PNPLA6: variants seen among roughly 807,000 people sequenced by gnomAD.
The protein encoded by PNPLA6 is patatin-like phospholipase domain-containing protein 6.
Under a neutral mutation model 153.7 loss-of-function variants are expected in PNPLA6, and 105 were observed. That is an observed-to-expected ratio of 0.68 (90% CI 0.58 to 0.80). The LOEUF is 0.80. Among genes scored for constraint, PNPLA6 ranks in the 30% least tolerant of loss-of-function variants. PNPLA6 has a pLI of 0.00. For missense variants in PNPLA6, 1,423 were observed against 1,919.3 expected, an observed-to-expected ratio of 0.74 and a Z score of 4.83; for synonymous variants, 825 against 822.2, an observed-to-expected ratio of 1.00 and a Z score of -0.06.
Position 7,541,974 on chromosome 19 carries a change from T to A in PNPLA6, c.1169-10T>A. The A allele has an allele frequency of 6.2e-7, 1 of 1,605,950 alleles. No individual in the cohort carries two copies. Among genetic ancestry groups the A allele is most frequent in the Non-Finnish European group, 8.5e-7 (1 of 1,178,090 alleles). Reference sequence around the variant, plus strand: ...TGAGGGGCAGGAGCCTGAACATGTGTCTCCCCCAGGGGACCCTGTGAAGCC... The same window carrying A: ...TGAGGGGCAGGAGCCTGAACATGTGACTCCCCCAGGGGACCCTGTGAAGCC... On this transcript the variant is annotated splice_polypyrimidine_tract_variant and intron_variant, in intron 9 of 31. Coordinates refer to ENST00000600737, the MANE Select transcript of PNPLA6 (RefSeq NM_001166114.2). This position sits in a 1 kb window ranked among gnomAD's most constrained non-coding sequence, Gnocchi z 5.2.
chr19:7,540,863 G>C lies in PNPLA6; in HGVS notation c.796-60G>C. ...ACTGGCGCCAGGAAGGATTAGGGGA[G>C]TAGCGAGGGGGACTCGCAGCCTCTG... On this transcript the variant is annotated intron_variant, in intron 6 of 31. Coordinates refer to ENST00000600737, the MANE Select transcript of PNPLA6 (RefSeq NM_001166114.2). This position sits in a 1 kb window ranked among gnomAD's most constrained non-coding sequence, Gnocchi z 6.8. 6.2e-7 allele frequency: 1 copy of C among 1,609,724 alleles called. No homozygotes were observed. Among genetic ancestry groups the C allele is most frequent in the Non-Finnish European group, 8.5e-7 (1 of 1,177,160 alleles).
chr19:7,543,804 CTTT>C (rs1323742284), intron 13 of PNPLA6, among the ~76,000 whole-genome samples: 1 of 150,798 alleles, frequency 6.6e-6, no homozygotes, highest in Non-Finnish European at 1.5e-5. Flanking sequence ...AGTAAGACTT[CTTT>C]TTTTTCTTTT....
chr19:7,561,748 A>C lies in PNPLA6; in HGVS notation c.*186A>C. On this transcript the variant is annotated 3_prime_UTR_variant, in exon 32 of 32. Coordinates refer to ENST00000600737, the MANE Select transcript of PNPLA6 (RefSeq NM_001166114.2). ...GACTTGACCAGCCCCTCCCCCAATA[A>C]ACTCGCCTCTTGGAAATGGCTTCCT... 5.7e-6 allele frequency: 4 copies of C among 698,760 alleles called. No homozygotes were observed. Among genetic ancestry groups the C allele is most frequent in the Admixed American group, 2.0e-5 (1 of 49,824 alleles). 43.3% of individuals were successfully genotyped at this position (698,760 alleles called of 1,614,324 possible).
intron 26 of PNPLA6, 186 bp from the exon 27 acceptor site, chr19:7,556,979 TTAC>T: frequency 2.8e-6 from 2 of 717,218 alleles, no homozygotes; most frequent in Admixed American, 3.9e-5. Context: ...GTGTGTGGCG[TTAC>T]GTCCGGGCCA....
At chr19:7,539,858 A>C in intron 3 of PNPLA6, 60 bp from the exon 4 acceptor site, 1 of 1,172,294 alleles carries the variant, frequency 8.5e-7, no homozygotes, top group East Asian at 2.6e-5. Flanking sequence ...CGGGGGTCTT[A>C]GGTTTGCCTG....
At chr19:7,547,900 C>T (rs1304949241) in intron 13 of PNPLA6, among the ~76,000 whole-genome samples, 3 of 145,114 alleles carry the variant, frequency 2.1e-5, no homozygotes, top group African/African-American at 5.2e-5. Flanking sequence ...TGGGCTCAAG[C>T]GATCTTCACA....
At chr19:7,547,599 C>T (rs1359019602) in intron 13 of PNPLA6, among the ~76,000 whole-genome samples, 1 of 151,158 alleles carries the variant, frequency 6.6e-6, no homozygotes, top group Non-Finnish European at 1.5e-5. Flanking sequence ...GCCTTGGCCT[C>T]CCAAAATGCT....
chr19:7,541,901 T>A lies in PNPLA6; in HGVS notation c.1169-83T>A. The A allele has an allele frequency of 7.8e-7, 1 of 1,276,506 alleles. No homozygotes were observed. Among genetic ancestry groups the A allele is most frequent in the East Asian group, 2.3e-5 (1 of 43,408 alleles). The allele number at this position is 1,276,506 out of a possible 1,614,324, so 79.1% of individuals were successfully genotyped here. A position where few individuals can be genotyped will look rare whatever the true frequency, so the allele number is the denominator to read the frequency against. On this transcript the variant is annotated intron_variant, in intron 9 of 31. Coordinates refer to ENST00000600737, the MANE Select transcript of PNPLA6 (RefSeq NM_001166114.2). The surrounding 1 kb of genome is among the most constrained non-coding windows in gnomAD (Gnocchi z 5.2). ...GGAATTGCTTTAACTAGTTAATCAGTCGCCAGCATCTCCTTATCTCCCAAC... is the reference window on the plus strand; with the variant it reads ...GGAATTGCTTTAACTAGTTAATCAGACGCCAGCATCTCCTTATCTCCCAAC...
In PNPLA6 at chr19:7,555,375, C is replaced by A; in HGVS notation, c.2936+8C>A. 1 of 1,045,046 alleles carries A rather than the reference C, an allele frequency of 9.6e-7. No individual in the cohort carries two copies. Among genetic ancestry groups the A allele is most frequent in the Non-Finnish European group, 1.4e-6 (1 of 705,786 alleles). The allele number at this position is 1,045,046 out of a possible 1,614,324, so 64.7% of individuals were successfully genotyped here. ...AGGCGGGGGCGGGGCCAGGTGAGGG[C>A]GGGGCTTGCTCTCTGGGGGCGGGGC... On this transcript the variant is annotated splice_region_variant and intron_variant, in intron 23 of 31. Coordinates refer to ENST00000600737, the MANE Select transcript of PNPLA6 (RefSeq NM_001166114.2). This position sits in a 1 kb window ranked among gnomAD's most constrained non-coding sequence, Gnocchi z 6.3.
Position 7,558,741 on chromosome 19 carries a change from C to CT in PNPLA6, c.3398-99dup, listed in dbSNP as rs201915883. The CT allele has an allele frequency of 2.2e-3, 1,575 of 723,718 alleles. 1 individual carries two copies. The highest frequency in any genetic ancestry group is 2.8e-3 in the Middle Eastern group (7 of 2,540). The allele number at this position is 723,718 out of a possible 1,614,324, so 44.8% of individuals were successfully genotyped here. On this transcript the variant is annotated intron_variant, in intron 27 of 31. Coordinates refer to ENST00000600737, the MANE Select transcript of PNPLA6 (RefSeq NM_001166114.2). ...GTGTTTGCATGTGTGGGTATTCTCT[C>CT]TTTTTTTTTTGCGTGATCATTTGCA...
Position 7,556,952 on chromosome 19 carries a change from C to T in PNPLA6, c.3281-216C>T, listed in dbSNP as rs533456130. 8.4e-5 allele frequency: 58 copies of T among 690,352 alleles called. No individual in the cohort carries two copies. The East Asian group carries it at 1.5e-3, about 18-fold the overall frequency. The allele number at this position is 690,352 out of a possible 1,614,324, so 42.8% of individuals were successfully genotyped here. ...CTCGTCGGACGCCTTACCCCCCTCA[C>T]GCCATCCCCGCAGGCTGTGTGTGGC... On this transcript the variant is annotated intron_variant, in intron 26 of 31. Coordinates refer to ENST00000600737, the MANE Select transcript of PNPLA6 (RefSeq NM_001166114.2).
At chr19:7,535,560 C>A, upstream of PNPLA6, 1 of 1,604,536 alleles carries the variant, frequency 6.2e-7, no homozygotes, top group East Asian at 2.2e-5. The surrounding 1 kb of genome is among the most constrained non-coding windows in gnomAD (Gnocchi z 5.0). Context: ...GATGGAGGCT[C>A]CGCTGCAAAC....
Position 7,560,675 on chromosome 19 carries a change from G to T in PNPLA6, c.3727G>T (p.Val1243Leu). ...YDVGYQYGKA[V>L]FGGWSRGNVI... ...TGTGGGCTACCAGTACGGGAAGGCG[G>T]TGTTTGGAGGCTGGAGCCGTGGCAA... Residue 1243 changes from valine (V) to leucine (L), a missense_variant, in exon 29 of 32, where the codon GTG becomes TTG. Transcript: ENST00000600737. The T allele has an allele frequency of 1.9e-6, 3 of 1,613,728 alleles. No individual in the cohort carries two copies. The highest frequency in any genetic ancestry group is 2.5e-6 in the Non-Finnish European group (3 of 1,179,644).
rs1383111143 is a variant in PNPLA6 at position 7,541,119 on chromosome 19, C to T, written c.924+68C>T. 1.3e-6 allele frequency: 2 copies of T among 1,543,604 alleles called. No individual in the cohort carries two copies. Among genetic ancestry groups the T allele is most frequent in the African/African-American group, 1.4e-5 (1 of 73,594 alleles). ...CCCTGGCCCCCACCCATTCCAGGCT[C>T]CAAGGGACCGAGGCCCAGCAGCCAG... On this transcript the variant is annotated intron_variant, in intron 7 of 31. Transcript: ENST00000600737. This position sits in a 1 kb window ranked among gnomAD's most constrained non-coding sequence, Gnocchi z 5.2.
chr19:7,554,862 G>A lies in PNPLA6; in HGVS notation c.2635-31G>A, dbSNP rs371653424. 4.4e-5 allele frequency: 69 copies of A among 1,571,750 alleles called. No individual in the cohort carries two copies. In the African/African-American group the frequency reaches 7.0e-4, roughly 16 times the overall value. On this transcript the variant is annotated intron_variant, in intron 21 of 31. Transcript: ENST00000600737. ...GGTGTGGCCAGGTGGTGGTGGGGCG[G>A]CTGGTGACCTCAGCCGTCCGTATTC...
In PNPLA6 at chr19:7,561,694, C is replaced by T; in HGVS notation, c.*132C>T. On this transcript the variant is annotated 3_prime_UTR_variant, in exon 32 of 32. Coordinates refer to ENST00000600737, the MANE Select transcript of PNPLA6 (RefSeq NM_001166114.2). ...CGGCCCACACACTGGACTGACCTGC[C>T]CTGAGCGGGGATGCAGTGTTGCACT... 9.7e-6 allele frequency: 7 copies of T among 719,422 alleles called. No individual in the cohort carries two copies. The highest frequency in any genetic ancestry group is 1.5e-5 in the Non-Finnish European group (6 of 400,598). The allele number at this position is 719,422 out of a possible 1,614,324, so 44.6% of individuals were successfully genotyped here. A position where few individuals can be genotyped will look rare whatever the true frequency, so the allele number is the denominator to read the frequency against.
chr19:7,540,676 T>G lies in PNPLA6; in HGVS notation c.761T>G (p.Val254Gly). The G allele has an allele frequency of 6.2e-7, 1 of 1,613,818 alleles. No individual in the cohort carries two copies. Among genetic ancestry groups the G allele is most frequent in the Non-Finnish European group, 8.5e-7 (1 of 1,179,842 alleles). ...AAGGAAGTGGTTCCTGGGGACAGCG[T>G]CAACAGCCTTCTCAGCATCCTGGAT... ...VVKEVVPGDS[V>G]NSLLSILDVI... The change falls in exon 6 of 32, where the codon GTC becomes GGC. Residue 254 changes from valine to glycine, a missense_variant. Physicochemically the swap from Val to Gly is moderately radical, Grantham distance 109. Around this residue, in one of 10 missense-constraint regions of PNPLA6, gnomAD observed 118 missense variants for 158.8 expected, o/e 0.74. Coordinates refer to ENST00000600737, the MANE Select transcript of PNPLA6 (RefSeq NM_001166114.2). The surrounding 1 kb of genome is among the most constrained non-coding windows in gnomAD (Gnocchi z 6.8).
intron 17 of PNPLA6, 99 bp from the exon 18 acceptor site, chr19:7,551,263 G>A (rs1474851342): frequency 3.2e-5 from 41 of 1,290,412 alleles, no homozygotes; most frequent in Non-Finnish European, 3.4e-6. Flanking sequence ...GTGGGACCCA[G>A]GTAACGGGCA....
At position 7,554,550 on chromosome 19, in the gene PNPLA6, C is replaced by A. The variant is rs1264384597; in HGVS notation, c.2466-5C>A. The A allele has an allele frequency of 6.2e-7, 1 of 1,613,950 alleles. No individual in the cohort carries two copies. Among genetic ancestry groups the A allele is most frequent in the Non-Finnish European group, 8.5e-7 (1 of 1,179,986 alleles). Reference sequence around the variant, plus strand: ...CAGGATGACGCTGCCCCCTTCCCACCCTAGCATCCAAGAGTTCCGGCTGTC... The same window carrying A: ...CAGGATGACGCTGCCCCCTTCCCACACTAGCATCCAAGAGTTCCGGCTGTC... On this transcript the variant is annotated splice_region_variant and splice_polypyrimidine_tract_variant and intron_variant, in intron 20 of 31. Transcript: ENST00000600737.
Sources: allele counts gnomAD v4.1 joint callset (sites outside exome capture counted in the v4.1 genomes callset), GRCh38; gene constraint gnomAD v4.1.1; regional missense constraint gnomAD v4.1.1; non-coding constraint Gnocchi (gnomAD v3.1); transcripts MANE v1.5; gene names NCBI Gene and HGNC (gene_info 2026-07-23, HGNC 2026-07-21).